The following DIP2C variants were observed in gnomAD, a reference collection of about 807,000 sequenced individuals.
The protein encoded by DIP2C is disco-interacting protein 2 homolog C.
A neutral mutation model predicts 192.4 loss-of-function variants in DIP2C; 33 were observed. That is an observed-to-expected ratio of 0.17 (90% CI 0.13 to 0.23). The LOEUF is 0.23. Among genes scored for constraint, DIP2C ranks in the 10% least tolerant of loss-of-function variants. DIP2C has a pLI of 1.00. For missense variants in DIP2C, 1,537 were observed against 2,110.1 expected (o/e 0.73, Z 5.32); for synonymous variants, 979 against 864.1 (o/e 1.13, Z -2.33).
chr10:531,812 C>T (rs951053684), intron 1 of DIP2C, among the ~76,000 whole-genome samples: 4 of 152,198 alleles, frequency 2.6e-5, no homozygotes, highest in Non-Finnish European at 4.4e-5. Context: ...GTGTCAAGAA[C>T]ACAGACACGC....
intron 1 of DIP2C, among the ~76,000 whole-genome samples, chr10:634,437 T>C (rs1182546487): frequency 2.0e-5 from 3 of 152,198 alleles, no homozygotes; most frequent in Non-Finnish European, 4.4e-5. Flanking sequence ...TGGTTTCAGG[T>C]TGCTATGCTT....
In DIP2C at chr10:548,208, A is replaced by ACCCC. The variant is rs33930610; in HGVS notation, c.86-61682_86-61679dup. On this transcript the variant is annotated intron_variant, in intron 1 of 36. Transcript: ENST00000280886. The stretch of plus-strand genomic sequence containing the variant: ...AGTCCAATTCACACGAGTCTGCCCC[A>ACCCC]CCCCCCCCCCCACAGGAAAGCCCTG... 6.4e-3 allele frequency among the ~76,000 whole-genome samples: 372 copies of ACCCC among 58,202 alleles called. 14 individuals carry two copies. The highest frequency in any genetic ancestry group is 8.8e-3 in the Non-Finnish European group (249 of 28,228). The allele number at this position is 58,202 out of a possible 152,430, so 38.2% of individuals were successfully genotyped here. A position where few individuals can be genotyped will look rare whatever the true frequency, so the allele number is the denominator to read the frequency against.
rs1056299977 is a variant in DIP2C at position 353,180 on chromosome 10, A to C, written c.2985+3246T>G. On this transcript the variant is annotated intron_variant, in intron 24 of 36. Coordinates refer to ENST00000280886, the MANE Select transcript of DIP2C (RefSeq NM_014974.3). ...AGCATGACCGGAGGGGCACACAGGG[A>C]AACACAAAGAGTCTGCCCTTGTCTA... 6.4e-3 allele frequency among the ~76,000 whole-genome samples: 13 copies of C among 2,040 alleles called. No homozygotes were observed. In the Admixed American group the frequency reaches 0.14, roughly 22 times the overall value. The allele number at this position is 2,040 out of a possible 152,430, so 1.3% of individuals were successfully genotyped here.
intron 1 of DIP2C, among the ~76,000 whole-genome samples, chr10:632,808 ACGCGGG>A (rs1854598837): frequency 9.2e-6 from 1 of 108,622 alleles, no homozygotes; most frequent in African/African-American, 3.8e-5. Context: ...ACTGGAGACC[ACGCGGG>A]CACCGGTGTG....
chr10:317,257 C>T (rs1258833583), intron 31 of DIP2C, among the ~76,000 whole-genome samples: 9 of 152,188 alleles, frequency 5.9e-5, no homozygotes, highest in Admixed American at 3.3e-4. Context: ...CAGCTCAGGC[C>T]GTCTACCAGC....
rs539525814 is a variant in DIP2C, at chr10:516,103, C to T, written c.86-29573G>A. Among the ~76,000 whole-genome samples the T allele has an allele frequency of 2.5e-4, 37 of 150,644 alleles. No homozygotes were observed. In the South Asian group the frequency reaches 3.2e-3, roughly 13 times the overall value. ...GAAACGAGGGGGTTTCCTGAAGCCA[C>T]TGGCATGACTTGGGTCTCTGTACCT... On this transcript the variant is annotated intron_variant, in intron 1 of 36. Transcript: ENST00000280886.
chr10:595,182 A>G (rs2131662237), intron 1 of DIP2C, among the ~76,000 whole-genome samples: 1 of 152,316 alleles, frequency 6.6e-6, no homozygotes. Flanking sequence ...CCTTTTTCTG[A>G]CAGTCTCAAA....
chr10:358,007 T>C (rs184568643), intron 22 of DIP2C, 70 bp from the exon 23 acceptor site: 7 of 1,185,364 alleles, frequency 5.9e-6, no homozygotes, highest in African/African-American at 1.5e-5. Flanking sequence ...CCTCCCACTT[T>C]GGTAAAGACC....
At chr10:381,592 T>G (rs898791967) in intron 17 of DIP2C, among the ~76,000 whole-genome samples, 3 of 152,150 alleles carry the variant, frequency 2.0e-5, no homozygotes, top group African/African-American at 4.8e-5. Flanking sequence ...GCAGCCGACC[T>G]GACATGCGTG....
At chr10:310,123 G>A (rs891296602) in intron 31 of DIP2C, 31 bp from the exon 32 acceptor site, 1 of 1,603,142 alleles carries the variant, frequency 6.2e-7, no homozygotes, top group Non-Finnish European at 8.5e-7. Context: ...GTTAACTCAA[G>A]TTTACATGGA....
chr10:573,634 TCCCAGGCTCAAGCA>T (rs1282036782), intron 1 of DIP2C, among the ~76,000 whole-genome samples: 1 of 152,084 alleles, frequency 6.6e-6, no homozygotes, highest in Non-Finnish European at 1.5e-5. Context: ...GGTCTCAAGC[TCCCAGGCTCAAGCA>T]ATCCGCCCGC....
In DIP2C at chr10:369,643, C is replaced by G. The variant is rs1398486790; in HGVS notation, c.1992-10G>C. The G allele has an allele frequency of 9.3e-6, 15 of 1,614,096 alleles. No homozygotes were observed. The highest frequency in any genetic ancestry group is 3.3e-5 in the Admixed American group (2 of 60,016). On this transcript the variant is annotated splice_polypyrimidine_tract_variant and intron_variant, in intron 17 of 36. Coordinates refer to ENST00000280886, the MANE Select transcript of DIP2C (RefSeq NM_014974.3). Reference sequence around the variant, plus strand: ...ACTGTCATCCGTGGGCCTGTAATGACAGTTTTTAACTTGAATATGCAGGAG... The same window carrying G: ...ACTGTCATCCGTGGGCCTGTAATGAGAGTTTTTAACTTGAATATGCAGGAG...
chr10:446,786 A>G, intron 3 of DIP2C, among the ~76,000 whole-genome samples: 1 of 152,234 alleles, frequency 6.6e-6, no homozygotes. Context: ...TATAACGACT[A>G]TTAAATTTCA....
chr10:625,900 G>T (rs1324686443), intron 1 of DIP2C, among the ~76,000 whole-genome samples: 1 of 152,206 alleles, frequency 6.6e-6, no homozygotes, highest in African/African-American at 2.4e-5. Flanking sequence ...GTGAAACCAT[G>T]AGGCTGACCA....
intron 1 of DIP2C, among the ~76,000 whole-genome samples, chr10:500,997 G>C (rs1309166686): frequency 6.6e-6 from 1 of 152,208 alleles, no homozygotes. Flanking sequence ...GGGGGCAAAT[G>C]ACCTACCAGA....
chr10:607,569 A>G (rs1475233021), intron 1 of DIP2C, among the ~76,000 whole-genome samples: 1 of 152,206 alleles, frequency 6.6e-6, no homozygotes, highest in Non-Finnish European at 1.5e-5. Context: ...TAAACCCAGC[A>G]TAAGCTGAAA....
intron 1 of DIP2C, among the ~76,000 whole-genome samples, chr10:580,927 A>G (rs1850606118): frequency 6.6e-6 from 1 of 151,842 alleles, no homozygotes; most frequent in Admixed American, 6.5e-5. Flanking sequence ...CACTCCTTAA[A>G]AAATTAGAAG....
In DIP2C at chr10:341,237, A is replaced by G; in HGVS notation, c.3546T>C (p.Pro1182=). 6.2e-7 allele frequency: 1 copy of G among 1,614,192 alleles called. No individual in the cohort carries two copies. The highest frequency in any genetic ancestry group is 8.5e-7 in the Non-Finnish European group (1 of 1,180,036). Residue 1182 remains proline, a synonymous_variant, in exon 29 of 37, where the codon CCT becomes CCC. Coordinates refer to ENST00000280886, the MANE Select transcript of DIP2C (RefSeq NM_014974.3). The stretch of plus-strand genomic sequence containing the variant: ...AGAGGACAAATCCCAGTCCACAGTA[A>G]GGGTCCAGGCAGATGGCCACTTCTC... The part of the protein sequence containing the change: ...PSREVAICLD[P]YCGLGFVLWC...
In DIP2C at chr10:602,492, C is replaced by T. The variant is rs534064473; in HGVS notation, c.85+87002G>A. ...CTTTGGGAGGCCTCGCTCTCAGGAC[C>T]GGGGTTGGTGTCCTTGTTGGAAGGC... On this transcript the variant is annotated intron_variant, in intron 1 of 36. Transcript: ENST00000280886. 1.3e-4 allele frequency among the ~76,000 whole-genome samples: 20 copies of T among 152,314 alleles called. No homozygotes were observed. The East Asian group carries it at 3.7e-3, about 28-fold the overall frequency.
Sources: allele counts gnomAD v4.1 joint callset (sites outside exome capture counted in the v4.1 genomes callset), GRCh38; gene constraint gnomAD v4.1.1; transcripts MANE v1.5; gene names NCBI Gene and HGNC (gene_info 2026-07-23, HGNC 2026-07-21).